The following IDNK variants were observed in gnomAD, a reference collection of about 807,000 sequenced individuals.
IDNK encodes IDNK gluconokinase, also known as gluconokinase.
A neutral mutation model predicts 13.0 loss-of-function variants in IDNK; 9 were observed. The observed-to-expected ratio is 0.69, with a 90% confidence interval of 0.42 to 1.21. The LOEUF (loss-of-function observed/expected upper bound fraction) is 1.21. Among genes scored for constraint, IDNK ranks in the 50% most tolerant of loss-of-function variants. The probability of loss-of-function intolerance (pLI) is 0.00; values close to 1 mark genes in which losing one functional copy is unlikely to be tolerated. For synonymous variants in IDNK, 92 were observed against 94.9 expected (o/e 0.97, Z 0.18); for missense variants, 210 against 237.8 (o/e 0.88, Z 0.77).
At chr9:83,634,195 G>C (rs536933764) in intron 3 of IDNK, among the ~76,000 whole-genome samples, 3 of 152,316 alleles carry the variant, frequency 2.0e-5, no homozygotes, top group African/African-American at 7.2e-5. Flanking sequence ...AATGTTCAAA[G>C]TGCTGCTCTT....
intron 4 of IDNK, 98 bp downstream of exon 4, chr9:83,641,689 T>G: frequency 8.3e-7 from 1 of 1,205,408 alleles, no homozygotes; most frequent in Non-Finnish European, 1.2e-6. Context: ...AAATCACAAC[T>G]GACTGATGGT....
At chr9:83,633,763 C>A (rs796944306) in intron 3 of IDNK, among the ~76,000 whole-genome samples, 1 of 152,328 alleles carries the variant, frequency 6.6e-6, no homozygotes, top group African/African-American at 2.4e-5. Context: ...GTAACTTGAG[C>A]AAAGCCACAC....
At chr9:83,623,452 A>C in intron 1 of IDNK, 1 of 514,394 alleles carries the variant, frequency 1.9e-6, no homozygotes, top group Non-Finnish European at 3.4e-6. Flanking sequence ...CCGCTCTAAG[A>C]CGGGGAGGCT....
At chr9:83,636,981 A>G (rs1263958877) in intron 3 of IDNK, among the ~76,000 whole-genome samples, 1 of 152,236 alleles carries the variant, frequency 6.6e-6, no homozygotes, top group African/African-American at 2.4e-5. Context: ...TTGTTTCACT[A>G]CATACACCTC....
chr9:83,624,415 A>C (rs975810712), intron 1 of IDNK, among the ~76,000 whole-genome samples: 1 of 152,208 alleles, frequency 6.6e-6, no homozygotes, highest in East Asian at 1.9e-4. Context: ...ACTCTATGTC[A>C]TTGTCATATA....
At chr9:83,638,689 TAA>T (rs772677353) in intron 3 of IDNK, among the ~76,000 whole-genome samples, 121 of 152,254 alleles carry the variant, frequency 7.9e-4, no homozygotes, top group Admixed American at 9.8e-4. Flanking sequence ...ACTAATACAC[TAA>T]AAGAGACTTC....
intron 3 of IDNK, among the ~76,000 whole-genome samples, chr9:83,637,728 C>T (rs887443094): frequency 6.6e-6 from 1 of 152,158 alleles, no homozygotes; most frequent in African/African-American, 2.4e-5. Context: ...TTTGATGAGC[C>T]TATAGAGATG....
chr9:83,631,451 G>GA (rs57832482), intron 3 of IDNK, among the ~76,000 whole-genome samples: 10,882 of 56,870 alleles, frequency 0.19, 1,493 homozygotes, highest in Middle Eastern at 0.4. Context: ...TACAAAAACT[G>GA]AAAAAAAAAA....
In IDNK at chr9:83,624,867, C is replaced by G. The variant is rs1344359041; in HGVS notation, c.50+1646C>G. 4.1e-4 allele frequency among the ~76,000 whole-genome samples: 62 copies of G among 152,258 alleles called. 1 individual carries two copies. On this transcript the variant is annotated intron_variant, in intron 1 of 4. Transcript: ENST00000376419. ...TAGCTGGGATTATAGGCGCCCACCA[C>G]CATGCACAGCTAATTTTTTGTATTT...
At chr9:83,626,722 G>C in intron 1 of IDNK, 1 of 1,255,262 alleles carries the variant, frequency 8.0e-7, no homozygotes, top group Non-Finnish European at 1.0e-6. Context: ...AACCTAACTT[G>C]GTCTTAAGTG....
chr9:83,639,707 G>A lies in IDNK; in HGVS notation c.169-1841G>A, dbSNP rs117585549. Among the ~76,000 whole-genome samples the A allele has an allele frequency of 3.9e-3, 596 of 152,308 alleles. 5 individuals carry two copies. The highest frequency in any genetic ancestry group is 0.013 in the South Asian group (64 of 4,828). ...GTTGGATGGCAGTGATCTAGTGGCAGATACTGCTTAGGGACACCTGCTTTT... is the reference window on the plus strand; with the variant it reads ...GTTGGATGGCAGTGATCTAGTGGCAAATACTGCTTAGGGACACCTGCTTTT... On this transcript the variant is annotated intron_variant, in intron 3 of 4. Transcript: ENST00000376419.
At chr9:83,639,571 T>C (rs894345095) in intron 3 of IDNK, among the ~76,000 whole-genome samples, 13 of 152,002 alleles carry the variant, frequency 8.6e-5, no homozygotes, top group Admixed American at 3.3e-4. Flanking sequence ...AGCAGCACAA[T>C]TGAGATGAAT....
chr9:83,632,692 T>C (rs1440818389), intron 3 of IDNK, among the ~76,000 whole-genome samples: 1 of 151,376 alleles, frequency 6.6e-6, no homozygotes, highest in Non-Finnish European at 1.5e-5. Context: ...TGATCTGGAG[T>C]GTGAAAACCT....
intron 2 of IDNK, among the ~76,000 whole-genome samples, chr9:83,628,504 C>T (rs1396009093): frequency 2.0e-5 from 3 of 152,148 alleles, no homozygotes; most frequent in Non-Finnish European, 4.4e-5. Context: ...CAAAAATTAG[C>T]CGGGCATGGT....
chr9:83,627,992 A>G (rs1830906769), intron 1 of IDNK, 189 bp from the exon 2 acceptor site: 16 of 1,376,948 alleles, frequency 1.2e-5, no homozygotes, highest in South Asian at 1.8e-5. Flanking sequence ...CTTCATTGAC[A>G]TTCGTGGGGA....
intron 3 of IDNK, among the ~76,000 whole-genome samples, chr9:83,630,471 T>C (rs1391044245): frequency 2.0e-5 from 3 of 152,242 alleles, no homozygotes; most frequent in Non-Finnish European, 4.4e-5. Context: ...GCCCCATTTT[T>C]CTCCTGTGGG....
At chr9:83,637,809 G>A (rs1831204165) in intron 3 of IDNK, among the ~76,000 whole-genome samples, 1 of 152,142 alleles carries the variant, frequency 6.6e-6, no homozygotes, top group Admixed American at 6.6e-5. Context: ...TCTTGTTGTT[G>A]TTGTTAGCAT....
chr9:83,630,893 C>G (rs1455369813), intron 3 of IDNK, among the ~76,000 whole-genome samples: 3 of 151,814 alleles, frequency 2.0e-5, no homozygotes, highest in African/African-American at 7.3e-5. Flanking sequence ...GGAAGAGACA[C>G]AAGTTACTTA....
At chr9:83,624,949 A>G (rs1445337327) in intron 1 of IDNK, among the ~76,000 whole-genome samples, 1 of 152,172 alleles carries the variant, frequency 6.6e-6, no homozygotes, top group African/African-American at 2.4e-5. Flanking sequence ...TCCTGACCTC[A>G]GGTGATCCAT....
Sources: allele counts gnomAD v4.1 joint callset (sites outside exome capture counted in the v4.1 genomes callset), GRCh38; gene constraint gnomAD v4.1.1; transcripts MANE v1.5; gene names NCBI Gene and HGNC (gene_info 2026-07-23, HGNC 2026-07-21).